The following WDPCP variants were observed in gnomAD, a reference collection of about 807,000 sequenced individuals.
WDPCP encodes WD repeat containing planar cell polarity effector.
WDPCP carries 71 observed loss-of-function variants against 93.1 expected under a neutral mutation model. The observed-to-expected ratio is 0.76, with a 90% CI of 0.63 to 0.93. The LOEUF (loss-of-function observed/expected upper bound fraction) is 0.93. Ranked by LOEUF, WDPCP falls within the 40% of genes least tolerant of loss-of-function variation. The pLI is 0.00. For missense variants in WDPCP, 844 were observed against 887.4 expected (o/e 0.95, Z 0.62); for synonymous variants, 315 against 315.0 (o/e 1.00, Z 0.00).
intron 14 of WDPCP, among the ~76,000 whole-genome samples, chr2:63,199,381 T>C (rs1037009623): frequency 4.6e-5 from 7 of 152,174 alleles, no homozygotes; most frequent in African/African-American, 1.7e-4. Flanking sequence ...ATCACAAGCC[T>C]GGAGGCCTAG....
intron 1 of WDPCP, among the ~76,000 whole-genome samples, chr2:63,507,008 G>A (rs952156402): frequency 3.3e-5 from 5 of 151,764 alleles, no homozygotes; most frequent in Admixed American, 3.3e-4. Flanking sequence ...AAGGAGTTTG[G>A]GTGATCAGTC....
chr2:63,678,584 T>C (rs116557412), intron 2 of WDPCP, among the ~76,000 whole-genome samples: 1,825 of 152,322 alleles, frequency 0.012, 41 homozygotes, highest in African/African-American at 0.042. Context: ...AGTGCACCTT[T>C]TTGTACTGCA....
At chr2:63,653,330 T>C (rs577862203) in intron 2 of WDPCP, among the ~76,000 whole-genome samples, 61 of 152,138 alleles carry the variant, frequency 4.0e-4, no homozygotes, top group Non-Finnish European at 4.4e-4. Context: ...TTGCACAGGA[T>C]TGGGACTGAA....
At chr2:63,131,195 T>C (rs1028547718) in intron 17 of WDPCP, among the ~76,000 whole-genome samples, 2 of 152,168 alleles carry the variant, frequency 1.3e-5, no homozygotes, top group Non-Finnish European at 2.9e-5. Flanking sequence ...TAATTATTGA[T>C]ATGGAAGGAT....
intron 1 of WDPCP, among the ~76,000 whole-genome samples, chr2:63,532,739 C>A (rs1200710511): frequency 1.3e-5 from 2 of 152,160 alleles, no homozygotes; most frequent in African/African-American, 4.8e-5. Flanking sequence ...CAAATGGTAC[C>A]AGCCACTGCA....
chr2:63,322,585 C>T (rs1408012527), intron 12 of WDPCP, among the ~76,000 whole-genome samples: 1 of 152,130 alleles, frequency 6.6e-6, no homozygotes, highest in African/African-American at 2.4e-5. Flanking sequence ...TGCGGCTTCA[C>T]TCCTGAAGTC....
chr2:63,625,301 A>G (rs925295574), intron 3 of WDPCP, among the ~76,000 whole-genome samples: 7 of 152,338 alleles, frequency 4.6e-5, no homozygotes, highest in African/African-American at 1.7e-4. Flanking sequence ...CACCACTCCT[A>G]TTCAACATAT....
chr2:63,285,790 A>G (rs1275644253), intron 13 of WDPCP, among the ~76,000 whole-genome samples: 1 of 152,182 alleles, frequency 6.6e-6, no homozygotes, highest in Admixed American at 6.5e-5. Context: ...CCTATTTACT[A>G]GTTCTAAAGT....
intron 2 of WDPCP, among the ~76,000 whole-genome samples, chr2:63,757,013 G>A (rs1229081618): frequency 2.0e-5 from 3 of 152,168 alleles, no homozygotes; most frequent in African/African-American, 7.2e-5. Flanking sequence ...TGTGTAGTGG[G>A]AGTTGGGGGT....
chr2:63,460,891 G>T (rs1185970924), intron 6 of WDPCP, among the ~76,000 whole-genome samples: 1 of 151,286 alleles, frequency 6.6e-6, no homozygotes, highest in Non-Finnish European at 1.5e-5. Flanking sequence ...CTCCCAAAGT[G>T]CTGGGATTAC....
rs369120609 is a variant in WDPCP at position 63,793,516 on chromosome 2, T to A, written n.308+20106A>T. On this transcript the variant is annotated intron_variant and non_coding_transcript_variant, in intron 2 of 4. Coordinates refer to the WDPCP transcript ENST00000467687. Reference sequence around the variant, plus strand: ...ATCCCAACACTCTGGGAGGCCCAGGTGGGAAGACTGCTTGAGCCTAGGAGT... The same window carrying A: ...ATCCCAACACTCTGGGAGGCCCAGGAGGGAAGACTGCTTGAGCCTAGGAGT... 7.2e-5 allele frequency among the ~76,000 whole-genome samples: 11 copies of A among 152,132 alleles called. No individual in the cohort carries two copies. In the South Asian group the frequency reaches 1.0e-3, roughly 14 times the overall value.
At chr2:63,340,109 C>T (rs577670275) in intron 12 of WDPCP, among the ~76,000 whole-genome samples, 1 of 152,180 alleles carries the variant, frequency 6.6e-6, no homozygotes, top group South Asian at 2.1e-4. Flanking sequence ...ATTATTCATT[C>T]CTGTTTTTTC....
chr2:63,340,763 C>T (rs1688776580), intron 12 of WDPCP, among the ~76,000 whole-genome samples: 1 of 152,062 alleles, frequency 6.6e-6, no homozygotes, highest in Non-Finnish European at 1.5e-5. Flanking sequence ...TATTTGAGTT[C>T]TGGGTTGTTG....
At chr2:63,352,858 C>G (rs938350587) in intron 12 of WDPCP, among the ~76,000 whole-genome samples, 1 of 152,110 alleles carries the variant, frequency 6.6e-6, no homozygotes, top group Non-Finnish European at 1.5e-5. Flanking sequence ...GTGAATATGA[C>G]ATGAATTTAC....
At chr2:63,395,288 A>T (rs548345109) in intron 10 of WDPCP, among the ~76,000 whole-genome samples, 14 of 152,164 alleles carry the variant, frequency 9.2e-5, no homozygotes, top group Non-Finnish European at 1.8e-4. Context: ...TTACATAGAC[A>T]TATTGCATTG....
chr2:63,417,341 T>A (rs191243566), intron 9 of WDPCP, among the ~76,000 whole-genome samples: 58 of 152,314 alleles, frequency 3.8e-4, no homozygotes, highest in Non-Finnish European at 8.1e-4. Context: ...AATTTAACCC[T>A]GTAGTTGGCA....
intron 1 of WDPCP, among the ~76,000 whole-genome samples, chr2:63,581,843 C>CA (rs1267592545): frequency 2.6e-5 from 4 of 151,722 alleles, no homozygotes; most frequent in Non-Finnish European, 5.9e-5. Flanking sequence ...CCTGTATCTG[C>CA]AAAAAACTAC....
intron 1 of WDPCP, among the ~76,000 whole-genome samples, chr2:63,507,187 C>T (rs1701934607): frequency 6.6e-6 from 1 of 151,846 alleles, no homozygotes; most frequent in African/African-American, 2.4e-5. Flanking sequence ...AAGATACAAT[C>T]CCTGTGCATA....
At chr2:63,244,526 A>G (rs1290258042) in intron 14 of WDPCP, among the ~76,000 whole-genome samples, 2 of 152,166 alleles carry the variant, frequency 1.3e-5, no homozygotes, top group Non-Finnish European at 2.9e-5. Context: ...CGAAATGACA[A>G]ACATGACATT....
Sources: gnomAD v4.1 joint callset for allele counts (sites outside exome capture counted in the v4.1 genomes callset) on GRCh38, gnomAD v4.1.1 for gene constraint, MANE v1.5 for transcripts, NCBI Gene and HGNC (gene_info 2026-07-23, HGNC 2026-07-21) for gene names.